The following FRMD4A variants were observed in gnomAD, a reference collection of about 807,000 sequenced individuals.
FRMD4A encodes the protein FERM domain containing 4A.
FRMD4A carries 29 observed loss-of-function variants against 129.1 expected under a neutral mutation model. The observed-to-expected ratio is 0.22, with a 90% CI of 0.17 to 0.31. The LOEUF (loss-of-function observed/expected upper bound fraction) is 0.31, where lower values mean the gene tolerates loss of function less well. FRMD4A is among the 10% of genes least tolerant of loss of function. The pLI is 1.00. For synonymous variants in FRMD4A, 634 were observed against 571.6 expected (o/e 1.11, Z -1.56); for missense variants, 1,272 against 1,375.8 (o/e 0.92, Z 1.19).
intron 2 of FRMD4A, among the ~76,000 whole-genome samples, chr10:14,270,738 G>A (rs553074302): frequency 6.6e-5 from 10 of 152,214 alleles, no homozygotes; most frequent in South Asian, 2.1e-4. Flanking sequence ...AAAACAGAAC[G>A]ATTTTCCTGT....
At chr10:14,282,388 C>G (rs908071097) in intron 2 of FRMD4A, among the ~76,000 whole-genome samples, 6 of 152,136 alleles carry the variant, frequency 3.9e-5, no homozygotes, top group African/African-American at 1.4e-4. Context: ...GATAAACTAG[C>G]AATTGTGATT....
chr10:14,205,427 T>G (rs935554218), intron 2 of FRMD4A, among the ~76,000 whole-genome samples: 1 of 152,172 alleles, frequency 6.6e-6, no homozygotes, highest in East Asian at 1.9e-4. Flanking sequence ...GCTGATAGGA[T>G]GCCTAACCAG....
At chr10:13,775,089 G>A (rs7085842) in intron 6 of FRMD4A, among the ~76,000 whole-genome samples, 2,146 of 152,276 alleles carry the variant, frequency 0.014, 96 homozygotes, top group South Asian at 0.12. Flanking sequence ...GACAAGTATA[G>A]GAGTGGGAGG....
chr10:14,171,518 A>G (rs1309511424), intron 2 of FRMD4A, among the ~76,000 whole-genome samples: 1 of 152,178 alleles, frequency 6.6e-6, no homozygotes, highest in East Asian at 1.9e-4. Context: ...CCCACCCAGG[A>G]GACAGAGTAT....
chr10:13,854,036 G>T (rs983926777), intron 3 of FRMD4A, among the ~76,000 whole-genome samples: 4 of 151,804 alleles, frequency 2.6e-5, no homozygotes, highest in African/African-American at 9.7e-5. Flanking sequence ...AATAAGGAAG[G>T]GCCACACCTC....
chr10:14,096,058 C>T (rs1477031400), intron 2 of FRMD4A, among the ~76,000 whole-genome samples: 1 of 152,238 alleles, frequency 6.6e-6, no homozygotes, highest in East Asian at 1.9e-4. Context: ...AAGCCTTCTG[C>T]TGTGATCAGG....
In FRMD4A at chr10:13,708,417, C is replaced by A. The variant is rs539084276; in HGVS notation, c.760-1304G>T. On this transcript the variant is annotated intron_variant, in intron 12 of 24. Coordinates refer to ENST00000357447, the MANE Select transcript of FRMD4A (RefSeq NM_018027.5). ...AAACTGCTTCTGGAATGGCCACATTCTTTTATCCTCACAATCTGCTCTCTG... is the reference window on the plus strand; with the variant it reads ...AAACTGCTTCTGGAATGGCCACATTATTTTATCCTCACAATCTGCTCTCTG... Among the ~76,000 whole-genome samples the A allele has an allele frequency of 2.4e-3, 360 of 152,346 alleles. 1 individual carries two copies. The highest frequency in any genetic ancestry group is 7.9e-3 in the African/African-American group (328 of 41,584).
intron 2 of FRMD4A, among the ~76,000 whole-genome samples, chr10:14,191,698 A>C (rs1842321540): frequency 6.6e-6 from 1 of 152,186 alleles, no homozygotes; most frequent in Admixed American, 6.5e-5. Context: ...TCATATTTTT[A>C]GAATGTGTGA....
At chr10:13,858,072 G>A (rs2094238295) in intron 3 of FRMD4A, among the ~76,000 whole-genome samples, 1 of 152,178 alleles carries the variant, frequency 6.6e-6, no homozygotes, top group African/African-American at 2.4e-5. Context: ...GAAGGGGGTC[G>A]CTTAGCACTT....
At chr10:13,829,427 C>T (rs1389523284) in intron 3 of FRMD4A, among the ~76,000 whole-genome samples, 1 of 151,990 alleles carries the variant, frequency 6.6e-6, no homozygotes, top group East Asian at 1.9e-4. Context: ...GAGTTTGAGG[C>T]TGCTGTGAGC....
intron 2 of FRMD4A, among the ~76,000 whole-genome samples, chr10:14,252,786 T>C (rs1258376761): frequency 6.6e-6 from 1 of 152,254 alleles, no homozygotes; most frequent in African/African-American, 2.4e-5. Flanking sequence ...TATTATTTTA[T>C]TCCTCAAACT....
intron 2 of FRMD4A, among the ~76,000 whole-genome samples, chr10:14,267,721 C>G (rs999008682): frequency 6.6e-6 from 1 of 152,252 alleles, no homozygotes; most frequent in Non-Finnish European, 1.5e-5. Context: ...AAGAGATGAG[C>G]ACATTTCTCT....
intron 3 of FRMD4A, among the ~76,000 whole-genome samples, chr10:13,844,673 G>C (rs1363174070): frequency 6.6e-6 from 1 of 152,206 alleles, no homozygotes; most frequent in Non-Finnish European, 1.5e-5. Flanking sequence ...AGAAATTCTT[G>C]ATCAGTTTGA....
intron 2 of FRMD4A, among the ~76,000 whole-genome samples, chr10:14,069,950 C>T (rs1051084959): frequency 1.3e-5 from 2 of 152,046 alleles, no homozygotes; most frequent in African/African-American, 4.8e-5. Flanking sequence ...ATTAAGCTGC[C>T]TCTGGGGCCA....
At chr10:14,134,122 G>C (rs1298112698) in intron 2 of FRMD4A, among the ~76,000 whole-genome samples, 1 of 152,038 alleles carries the variant, frequency 6.6e-6, no homozygotes, top group African/African-American at 2.4e-5. Context: ...TAGTCTTGTG[G>C]ACTGACTTTA....
chr10:14,131,398 C>A (rs533819682), intron 2 of FRMD4A, among the ~76,000 whole-genome samples: 20 of 144,442 alleles, frequency 1.4e-4, no homozygotes, highest in African/African-American at 4.3e-4. Flanking sequence ...CTCACTGTGC[C>A]CCCCCCGGCC....
intron 17 of FRMD4A, among the ~76,000 whole-genome samples, chr10:13,666,921 T>C (rs556260059): frequency 6.7e-6 from 1 of 148,600 alleles, no homozygotes; most frequent in Admixed American, 6.7e-5. Context: ...CTTTTTTTTT[T>C]TTTTTTTTTG....
At chr10:14,115,105 T>C (rs185614057) in intron 2 of FRMD4A, among the ~76,000 whole-genome samples, 18 of 152,364 alleles carry the variant, frequency 1.2e-4, no homozygotes, top group Admixed American at 4.6e-4. Flanking sequence ...TGCTGTGTTC[T>C]AAGGAGACCA....
At chr10:14,056,880 A>G (rs1405660894) in intron 2 of FRMD4A, among the ~76,000 whole-genome samples, 1 of 152,186 alleles carries the variant, frequency 6.6e-6, no homozygotes, top group East Asian at 1.9e-4. Context: ...AATAAATAAA[A>G]GGTATTGCTG....
Sources: gnomAD v4.1 joint callset for allele counts (sites outside exome capture counted in the v4.1 genomes callset) on GRCh38, gnomAD v4.1.1 for gene constraint, MANE v1.5 for transcripts, NCBI Gene and HGNC (gene_info 2026-07-23, HGNC 2026-07-21) for gene names.